Variants in HORMAD2 observed in about 807,000 individuals in gnomAD.
HORMAD2 encodes HORMA domain-containing protein 2.
A neutral mutation model predicts 38.8 loss-of-function variants in HORMAD2; 45 were observed. The observed-to-expected ratio is 1.16, with a 90% CI of 0.91 to 1.49. The LOEUF (loss-of-function observed/expected upper bound fraction) is 1.49, where lower values mean the gene tolerates loss of function less well. Ranked by LOEUF, HORMAD2 falls within the 40% of genes most tolerant of loss-of-function variation. The probability of loss-of-function intolerance (pLI) is 0.00; values close to 1 mark genes in which losing one functional copy is unlikely to be tolerated. For synonymous variants in HORMAD2, 126 were observed against 122.8 expected (o/e 1.03, Z -0.17); for missense variants, 338 against 367.0 (o/e 0.92, Z 0.65).
chr22:30,139,105 C>T (rs1210298066), intron 10 of HORMAD2, among the ~76,000 whole-genome samples: 4 of 151,760 alleles, frequency 2.6e-5, no homozygotes, highest in Non-Finnish European at 5.9e-5. Flanking sequence ...GGTCTCTAGC[C>T]TGTTGGCCTT....
At chr22:30,094,532 C>T (rs2068748275) in intron 2 of HORMAD2, among the ~76,000 whole-genome samples, 1 of 152,138 alleles carries the variant, frequency 6.6e-6, no homozygotes, top group Non-Finnish European at 1.5e-5. Context: ...CTGTGTAACT[C>T]ACTGATAAAA....
intron 7 of HORMAD2, among the ~76,000 whole-genome samples, chr22:30,114,642 TA>T (rs1921907852): frequency 6.6e-6 from 1 of 152,230 alleles, no homozygotes; most frequent in African/African-American, 2.4e-5. Flanking sequence ...ACAATGTTTA[TA>T]TATGCCTGAA....
At chr22:30,097,205 T>C (rs1314825332) in intron 2 of HORMAD2, among the ~76,000 whole-genome samples, 1 of 152,152 alleles carries the variant, frequency 6.6e-6, no homozygotes, top group Non-Finnish European at 1.5e-5. Context: ...ACAATAAACA[T>C]AGTATGTCAA....
chr22:30,181,597 T>C (rs1393678330), downstream of HORMAD2, among the ~76,000 whole-genome samples: 1 of 152,176 alleles, frequency 6.6e-6, no homozygotes, highest in Non-Finnish European at 1.5e-5. Context: ...ACAGACTGAA[T>C]AAACAAGGAA....
At chr22:30,097,548 A>C (rs2068804820) in intron 2 of HORMAD2, among the ~76,000 whole-genome samples, 1 of 152,230 alleles carries the variant, frequency 6.6e-6, no homozygotes, top group African/African-American at 2.4e-5. Flanking sequence ...TAAGCAAAGC[A>C]CAAAAGTATG....
At chr22:30,087,962 T>G (rs569052041) in intron 1 of HORMAD2, among the ~76,000 whole-genome samples, 50 of 151,150 alleles carry the variant, frequency 3.3e-4, no homozygotes, top group African/African-American at 1.0e-3. Flanking sequence ...GCTGGTTATT[T>G]CTCTCTCTCT....
At chr22:30,147,934 A>G (rs749288393) in intron 10 of HORMAD2, among the ~76,000 whole-genome samples, 2 of 152,192 alleles carry the variant, frequency 1.3e-5, no homozygotes, top group Non-Finnish European at 2.9e-5. Context: ...AAAATATTTT[A>G]TCAAATTCCT....
At chr22:30,206,524 C>T in the HORMAD2 span, among the ~76,000 whole-genome samples, 1 of 151,916 alleles carries the variant, frequency 6.6e-6, no homozygotes, top group South Asian at 2.1e-4. Context: ...GCTTTGTTTT[C>T]CAGGTTAGGG....
chr22:30,157,972 T>C (rs1230589007), intron 10 of HORMAD2, among the ~76,000 whole-genome samples: 1 of 152,174 alleles, frequency 6.6e-6, no homozygotes, highest in Non-Finnish European at 1.5e-5. Context: ...TCAAACATTT[T>C]CAAATATATG....
chr22:30,167,799 C>T (rs1925875679), intron 10 of HORMAD2, among the ~76,000 whole-genome samples: 2 of 152,156 alleles, frequency 1.3e-5, no homozygotes, highest in Admixed American at 1.3e-4. Context: ...TAATTTTTTA[C>T]CTTGTTTTCC....
At chr22:30,100,461 A>G (rs1387470305) in intron 3 of HORMAD2, among the ~76,000 whole-genome samples, 1 of 152,244 alleles carries the variant, frequency 6.6e-6, no homozygotes, top group African/African-American at 2.4e-5. Flanking sequence ...CTTAAATGTA[A>G]TACCTAAAAC....
chr22:30,083,811 T>C (rs997641134), intron 1 of HORMAD2, among the ~76,000 whole-genome samples: 3 of 152,058 alleles, frequency 2.0e-5, no homozygotes, highest in Non-Finnish European at 4.4e-5. Context: ...CCATGTTTTT[T>C]GAAAAAATAA....
At chr22:30,166,655 T>C (rs13056332) in intron 10 of HORMAD2, among the ~76,000 whole-genome samples, 22,401 of 152,166 alleles carry the variant, frequency 0.15, 3,464 homozygotes, top group African/African-American at 0.38. Context: ...TTAATACACA[T>C]TAATTCCTAA....
intron 10 of HORMAD2, among the ~76,000 whole-genome samples, chr22:30,152,893 G>A (rs989866796): frequency 2.6e-5 from 4 of 151,956 alleles, no homozygotes; most frequent in African/African-American, 7.3e-5. Context: ...GTATGCTGTC[G>A]ACTTCCATAT....
At chr22:30,083,883 A>G (rs2068526514) in intron 1 of HORMAD2, among the ~76,000 whole-genome samples, 1 of 152,124 alleles carries the variant, frequency 6.6e-6, no homozygotes, top group Non-Finnish European at 1.5e-5. Flanking sequence ...AGACCCTCCC[A>G]TGTTTAGAAA....
intron 1 of HORMAD2, among the ~76,000 whole-genome samples, chr22:30,090,111 C>T (rs1220118902): frequency 6.6e-6 from 1 of 152,094 alleles, no homozygotes; most frequent in Non-Finnish European, 1.5e-5. Flanking sequence ...GCCTATAATC[C>T]CAGCACACTG....
At chr22:30,080,734 G>A (rs1289826961) in intron 1 of HORMAD2, among the ~76,000 whole-genome samples, 1 of 152,144 alleles carries the variant, frequency 6.6e-6, no homozygotes, top group African/African-American at 2.4e-5. Context: ...GAGCACCCAG[G>A]TAGTTTTGAA....
intron 5 of HORMAD2, among the ~76,000 whole-genome samples, chr22:30,110,956 G>A (rs1921593185): frequency 1.3e-5 from 2 of 151,130 alleles, no homozygotes; most frequent in African/African-American, 4.9e-5. Flanking sequence ...AGAAGATCGA[G>A]ACCATCCTGG....
chr22:30,191,387 G>T, the HORMAD2 span, among the ~76,000 whole-genome samples: 1 of 152,180 alleles, frequency 6.6e-6, no homozygotes, highest in African/African-American at 2.4e-5. Context: ...TGGCTTGGGA[G>T]GATGGGAAGA....
Sources: gnomAD v4.1 joint callset for allele counts (sites outside exome capture counted in the v4.1 genomes callset) on GRCh38, gnomAD v4.1.1 for gene constraint, MANE v1.5 for transcripts, NCBI Gene and HGNC (gene_info 2026-07-23, HGNC 2026-07-21) for gene names.